TMEM232: variants seen among roughly 807,000 people sequenced by gnomAD.
TMEM232 encodes transmembrane protein 232.
TMEM232 carries 80 observed loss-of-function variants against 78.8 expected under a neutral mutation model. The ratio of observed to expected loss-of-function variants is 1.01; its 90% CI spans 0.85 to 1.22. The LOEUF is 1.22. Among genes scored for constraint, TMEM232 ranks in the 50% most tolerant of loss-of-function variants. The probability of loss-of-function intolerance (pLI) is 0.00; values close to 1 mark genes in which losing one functional copy is unlikely to be tolerated. For missense variants in TMEM232, 881 were observed against 742.2 expected (o/e 1.19, Z -2.17); for synonymous variants, 297 against 254.3 (o/e 1.17, Z -1.60).
At chr5:110,571,457 T>C (rs908290758) in intron 10 of TMEM232, among the ~76,000 whole-genome samples, 3 of 151,818 alleles carry the variant, frequency 2.0e-5, no homozygotes, top group Non-Finnish European at 4.4e-5. Context: ...GAGGTAGTTA[T>C]ACAGACAGAG....
intron 8 of TMEM232, among the ~76,000 whole-genome samples, chr5:110,612,139 G>T (rs935056057): frequency 1.3e-5 from 2 of 152,084 alleles, no homozygotes; most frequent in African/African-American, 4.8e-5. Flanking sequence ...TTTTTCAAAA[G>T]CTCTTTGAGG....
chr5:110,682,393 AAAC>A (rs1343843799), intron 1 of TMEM232, among the ~76,000 whole-genome samples: 6 of 152,114 alleles, frequency 3.9e-5, no homozygotes, highest in Non-Finnish European at 7.4e-5. Flanking sequence ...GTTAAAAAAA[AAAC>A]AACAATTATT....
intron 10 of TMEM232, among the ~76,000 whole-genome samples, chr5:110,576,241 C>T (rs1014956296): frequency 3.3e-5 from 5 of 151,970 alleles, no homozygotes; most frequent in Non-Finnish European, 5.9e-5. Context: ...ACACCAAAAG[C>T]GGTCCAGCCT....
intron 1 of TMEM232, among the ~76,000 whole-genome samples, chr5:110,677,724 C>T (rs968304814): frequency 2.6e-5 from 4 of 152,136 alleles, no homozygotes; most frequent in African/African-American, 4.8e-5. Context: ...GCTGGTAAAA[C>T]GTTTGACATT....
At chr5:110,404,710 G>A (rs1422359877) in intron 2 of TMEM232, among the ~76,000 whole-genome samples, 8 of 152,026 alleles carry the variant, frequency 5.3e-5, no homozygotes, top group African/African-American at 1.4e-4. Context: ...TCTAAGGGGC[G>A]AAAAAGGAAT....
At chr5:110,562,784 T>G (rs1001445439) in intron 11 of TMEM232, among the ~76,000 whole-genome samples, 1 of 152,018 alleles carries the variant, frequency 6.6e-6, no homozygotes, top group Non-Finnish European at 1.5e-5. Context: ...AAAAATTTTA[T>G]ATAATTTTGT....
At position 110,626,115 on chromosome 5, in the gene TMEM232, C is replaced by T. The variant is rs1049420168; in HGVS notation, c.602-682G>A. On this transcript the variant is annotated intron_variant, in intron 6 of 13. Transcript: ENST00000455884. Reference sequence around the variant, plus strand: ...CAGCCTATTGTTAAAGGTAGAGCTGCAACCTAAGGCTCTATTATATTTGGT... The same window carrying T: ...CAGCCTATTGTTAAAGGTAGAGCTGTAACCTAAGGCTCTATTATATTTGGT... 9.7e-4 allele frequency among the ~76,000 whole-genome samples: 148 copies of T among 151,966 alleles called. 1 individual carries two copies. The highest frequency in any genetic ancestry group is 3.3e-3 in the African/African-American group (139 of 41,506).
chr5:110,625,304 T>C lies in TMEM232; in HGVS notation c.731A>G (p.Glu244Gly), dbSNP rs1239794595. The change falls in exon 7 of 14, where the codon GAA becomes GGA. Residue 244 changes from glutamate (E) to glycine (G), a missense_variant. By Grantham distance (98) the Glu-to-Gly change is moderately conservative. Coordinates refer to ENST00000455884, the MANE Select transcript of TMEM232 (RefSeq NM_001039763.4). ...LRSESIFRPV[E>G]DKKRYENTDS... is the part of the protein sequence containing the mutation. ...TGTGTTCTCATATCTTTTCTTATCT[T>C]CCACAGGTCTAAAAATGGATTCAGA... 6.5e-7 allele frequency: 1 copy of C among 1,544,070 alleles called. No homozygotes were observed. Among genetic ancestry groups the C allele is most frequent in the Non-Finnish European group, 8.7e-7 (1 of 1,143,680 alleles).
intron 1 of TMEM232, among the ~76,000 whole-genome samples, chr5:110,725,038 C>G (rs962869544): frequency 3.3e-5 from 5 of 152,030 alleles, no homozygotes; most frequent in Admixed American, 1.3e-4. Context: ...TGTAATGAAT[C>G]AGCAGGAAAC....
At chr5:110,564,807 C>G (rs1284277594) in intron 11 of TMEM232, among the ~76,000 whole-genome samples, 1 of 151,922 alleles carries the variant, frequency 6.6e-6, no homozygotes, top group Non-Finnish European at 1.5e-5. Flanking sequence ...GGGTGGCCAC[C>G]TATTCTCATT....
intron 11 of TMEM232, among the ~76,000 whole-genome samples, chr5:110,531,430 C>G (rs1019870946): frequency 6.6e-6 from 1 of 152,210 alleles, no homozygotes; most frequent in African/African-American, 2.4e-5. Flanking sequence ...CTATCAGGTC[C>G]TCATACCGAC....
At chr5:110,447,883 A>T (rs966141808) in intron 12 of TMEM232, among the ~76,000 whole-genome samples, 4 of 152,132 alleles carry the variant, frequency 2.6e-5, no homozygotes, top group Non-Finnish European at 4.4e-5. Context: ...GTGAAAACGA[A>T]GAGAGGGGAG....
chr5:110,661,877 T>C (rs776670096), intron 2 of TMEM232, among the ~76,000 whole-genome samples: 42 of 152,228 alleles, frequency 2.8e-4, no homozygotes, highest in Non-Finnish European at 5.4e-4. Flanking sequence ...GGGTTTAATT[T>C]ACATTTATCT....
intron 12 of TMEM232, among the ~76,000 whole-genome samples, chr5:110,497,131 C>T (rs1028124019): frequency 4.0e-4 from 60 of 151,896 alleles, no homozygotes; most frequent in Admixed American, 1.1e-3. Context: ...CATACTTTCA[C>T]GTTCCCTGAC....
intron 1 of TMEM232, among the ~76,000 whole-genome samples, chr5:110,722,031 T>C (rs1050292662): frequency 1.3e-5 from 2 of 151,948 alleles, no homozygotes; most frequent in African/African-American, 4.8e-5. Context: ...GGCAGTATTT[T>C]ATTGATATCA....
chr5:110,734,647 T>C (rs1798988030), intron 2 of TMEM232, among the ~76,000 whole-genome samples: 1 of 152,200 alleles, frequency 6.6e-6, no homozygotes, highest in African/African-American at 2.4e-5. Flanking sequence ...ATTTAAAATA[T>C]TCTTGGTTGC....
rs193213292 is a variant in TMEM232, at chr5:110,580,591, C to T, written c.1277-11966G>A. On this transcript the variant is annotated intron_variant, in intron 10 of 13. Coordinates refer to ENST00000455884, the MANE Select transcript of TMEM232 (RefSeq NM_001039763.4). ...ATTGACAGAACTAAAGGGAGAAATA[C>T]AGCAATACAATAATAGTAGGAAATT... 3.4e-3 allele frequency among the ~76,000 whole-genome samples: 517 copies of T among 151,620 alleles called. 4 individuals carry two copies. Among genetic ancestry groups the T allele is most frequent in the African/African-American group, 0.012 (494 of 41,426 alleles).
At chr5:110,471,821 A>G (rs1762716817) in intron 12 of TMEM232, among the ~76,000 whole-genome samples, 1 of 152,132 alleles carries the variant, frequency 6.6e-6, no homozygotes, top group Non-Finnish European at 1.5e-5. Context: ...GAAAAGATAA[A>G]CAAACCAACA....
intron 3 of TMEM232, among the ~76,000 whole-genome samples, chr5:110,397,348 T>TAG (rs1232854890): frequency 1.3e-5 from 2 of 152,136 alleles, no homozygotes; most frequent in Admixed American, 6.6e-5. Context: ...AACTAATAAC[T>TAG]AGAGGGATTT....
Sources: allele counts gnomAD v4.1 joint callset (sites outside exome capture counted in the v4.1 genomes callset), GRCh38; gene constraint gnomAD v4.1.1; transcripts MANE v1.5; gene names NCBI Gene and HGNC (gene_info 2026-07-23, HGNC 2026-07-21).